MAP2: variants seen among roughly 807,000 people sequenced by gnomAD.
The protein encoded by MAP2 is microtubule associated protein 2.
Under a neutral mutation model 137.6 loss-of-function variants are expected in MAP2, and 14 were observed. The observed-to-expected ratio is 0.10, with a 90% CI of 0.07 to 0.16. The LOEUF (loss-of-function observed/expected upper bound fraction) is 0.16, where lower values mean the gene tolerates loss of function less well. MAP2 is among the 10% of genes least tolerant of loss of function. MAP2 has a pLI of 1.00. For missense variants in MAP2, 2,088 were observed against 2,191.5 expected (o/e 0.95, Z 0.94); for synonymous variants, 786 against 782.3 (o/e 1.00, Z -0.08).
At chr2:209,434,814 C>CT in intron 1 of MAP2, among the ~76,000 whole-genome samples, 1 of 103,288 alleles carries the variant, frequency 9.7e-6, no homozygotes, top group Non-Finnish European at 1.8e-5. Context: ...AGAGCCAGAT[C>CT]CTCTCTCTCT....
At position 209,628,156 on chromosome 2, in the gene MAP2, G is replaced by A. The variant is rs1976583; in HGVS notation, c.-30+3027G>A. 8.3e-3 allele frequency among the ~76,000 whole-genome samples: 1,265 copies of A among 152,144 alleles called. 16 individuals carry two copies. The highest frequency in any genetic ancestry group is 0.028 in the African/African-American group (1,182 of 41,504). Reference sequence around the variant, plus strand: ...CCGAGGCAGACAGATCACAAGGTCAGGAGTTTGAGACCAGCCTGACCAACA... The same window carrying A: ...CCGAGGCAGACAGATCACAAGGTCAAGAGTTTGAGACCAGCCTGACCAACA... On this transcript the variant is annotated intron_variant, in intron 4 of 15. Coordinates refer to ENST00000682079, the MANE Select transcript of MAP2 (RefSeq NM_001375505.1).
chr2:209,491,131 G>A (rs1444363105), intron 1 of MAP2, among the ~76,000 whole-genome samples: 29 of 152,130 alleles, frequency 1.9e-4, no homozygotes, highest in South Asian at 4.1e-4. Flanking sequence ...TAGAACTCAG[G>A]ATTAAGAAAC....
chr2:209,542,976 T>G (rs1295905090), intron 2 of MAP2, among the ~76,000 whole-genome samples: 2 of 152,230 alleles, frequency 1.3e-5, no homozygotes, highest in Non-Finnish European at 2.9e-5. Flanking sequence ...GTTCACAATT[T>G]GGCTGCTTGG....
chr2:209,696,632 A>G lies in MAP2; in HGVS notation c.4271A>G (p.Lys1424Arg). ...EKEARRSSLE[K>R]HRKEKPFKTG... is the part of the protein sequence containing the mutation. ...GAAGCTCGGAGATCATCTCTTGAGA[A>G]ACATAGAAAAGAAAAGCCTTTTAAA... is the stretch of plus-strand genomic sequence containing the variant. The change falls in exon 9 of 16, where the codon AAA becomes AGA. Residue 1424 changes from lysine to arginine, a missense_variant. Around this residue, in one of 6 missense-constraint regions of MAP2, gnomAD observed 591 missense variants for 642.6 expected, o/e 0.92. Transcript: ENST00000682079. The G allele has an allele frequency of 6.2e-7, 1 of 1,613,916 alleles. No individual in the cohort carries two copies. Among genetic ancestry groups the G allele is most frequent in the Non-Finnish European group, 8.5e-7 (1 of 1,179,904 alleles).
chr2:209,544,205 C>G (rs1448169998), intron 2 of MAP2, among the ~76,000 whole-genome samples: 1 of 151,826 alleles, frequency 6.6e-6, no homozygotes, highest in Admixed American at 6.6e-5. Flanking sequence ...TGCACTCCAG[C>G]CTGGGTGACA....
At chr2:209,480,354 G>A (rs921305470) in intron 1 of MAP2, among the ~76,000 whole-genome samples, 12 of 152,148 alleles carry the variant, frequency 7.9e-5, no homozygotes, top group Non-Finnish European at 1.6e-4. Context: ...GTTTACACAA[G>A]GAACAATAAG....
intron 3 of MAP2, among the ~76,000 whole-genome samples, chr2:209,594,576 T>G (rs1031836528): frequency 6.6e-6 from 1 of 152,188 alleles, no homozygotes; most frequent in African/African-American, 2.4e-5. Context: ...TCTTCAAAAT[T>G]TCTCCTAGGG....
Position 209,705,719 on chromosome 2 carries a change from G to A in MAP2, c.4724G>A (p.Arg1575Gln), listed in dbSNP as rs780652765. Residue 1575 changes from arginine to glutamine, a missense_variant, in exon 12 of 16, where the codon CGG becomes CAG. Around this residue, in one of 6 missense-constraint regions of MAP2, gnomAD observed 591 missense variants for 642.6 expected, o/e 0.92. Transcript: ENST00000682079. Reference sequence around the variant, plus strand: ...AGTTCTATCTCTTCTTCAGCACGGCGGACCACCAGTAGGTTTATTTTGATT... The same window carrying A: ...AGTTCTATCTCTTCTTCAGCACGGCAGACCACCAGTAGGTTTATTTTGATT... ...LNSSISSSAR[R>Q]TTRSEPIRRA... is the part of the protein sequence containing the mutation. The A allele has an allele frequency of 3.2e-5, 51 of 1,611,526 alleles. No homozygotes were observed. Among genetic ancestry groups the A allele is most frequent in the African/African-American group, 4.0e-5 (3 of 74,714 alleles).
chr2:209,448,596 G>A (rs2149459841), intron 1 of MAP2, among the ~76,000 whole-genome samples: 1 of 152,226 alleles, frequency 6.6e-6, no homozygotes, highest in Admixed American at 6.5e-5. Flanking sequence ...CCCTATAGAG[G>A]TTCCAGGGAA....
Position 209,694,047 on chromosome 2 carries a change from C to G in MAP2, c.1877C>G (p.Ser626Cys). ...AAGGAGTTTCAAACAGGAAAAGAAT[C>G]CCAGCCCAGTCCTCCAGCACAAGAA... ...GDKEFQTGKE[S>C]QPSPPAQEAG... The change falls in exon 8 of 16, where the codon TCC becomes TGC. Residue 626 changes from serine to cysteine, a missense_variant. Ser to Cys is a moderately radical substitution (Grantham distance 112, BLOSUM62 -1). Around this residue, in one of 6 missense-constraint regions of MAP2, gnomAD observed 859 missense variants for 794.5 expected, o/e 1.08. Transcript: ENST00000682079. The G allele has an allele frequency of 6.2e-7, 1 of 1,613,448 alleles. No individual in the cohort carries two copies. The highest frequency in any genetic ancestry group is 1.1e-5 in the South Asian group (1 of 90,952).
rs116538983 is a variant in MAP2 at position 209,539,430 on chromosome 2, G to A, written c.-172+31789G>A. Reference sequence around the variant, plus strand: ...AGAACAGCTGAAGTAGTCATTTAACGCAACTAGTATTTTCTGAAGAAAACA... The same window carrying A: ...AGAACAGCTGAAGTAGTCATTTAACACAACTAGTATTTTCTGAAGAAAACA... On this transcript the variant is annotated intron_variant, in intron 2 of 15. Coordinates refer to ENST00000682079, the MANE Select transcript of MAP2 (RefSeq NM_001375505.1). 9.0e-3 allele frequency among the ~76,000 whole-genome samples: 1,363 copies of A among 152,238 alleles called. 7 individuals are homozygous for A. Among genetic ancestry groups the A allele is most frequent in the Non-Finnish European group, 0.014 (930 of 68,012 alleles).
intron 3 of MAP2, among the ~76,000 whole-genome samples, chr2:209,606,045 G>GT (rs921833548): frequency 2.0e-5 from 3 of 151,896 alleles, no homozygotes; most frequent in Admixed American, 6.6e-5. Context: ...TAAATGATCA[G>GT]TTTTTTTAGT....
At chr2:209,686,864 T>G (rs373552052) in intron 7 of MAP2, among the ~76,000 whole-genome samples, 12 of 152,280 alleles carry the variant, frequency 7.9e-5, no homozygotes, top group African/African-American at 2.9e-4. Context: ...AATAAAGTCT[T>G]GATGAATCTG....
chr2:209,680,686 T>G (rs2054188893), intron 6 of MAP2, 64 bp from the exon 7 acceptor site: 1 of 1,379,000 alleles, frequency 7.3e-7, no homozygotes, highest in East Asian at 2.3e-5. Flanking sequence ...CAGAACTTCC[T>G]ACACATCTAC....
chr2:209,600,083 C>T (rs1289643757), intron 3 of MAP2, among the ~76,000 whole-genome samples: 1 of 152,070 alleles, frequency 6.6e-6, no homozygotes, highest in Non-Finnish European at 1.5e-5. Context: ...TAAACAAAAG[C>T]TAAGACCTAT....
chr2:209,553,255 C>T (rs1415166600), intron 2 of MAP2, among the ~76,000 whole-genome samples: 1 of 152,120 alleles, frequency 6.6e-6, no homozygotes, highest in Non-Finnish European at 1.5e-5. Context: ...TCGTGGTCCA[C>T]CAGCCTCGGC....
At chr2:209,635,492 C>T (rs1336822940) in intron 4 of MAP2, among the ~76,000 whole-genome samples, 1 of 151,972 alleles carries the variant, frequency 6.6e-6, no homozygotes. Context: ...TACAAATAAC[C>T]GTATATAGTC....
chr2:209,705,691 A>G lies in MAP2; in HGVS notation c.4696A>G (p.Asn1566Asp). The G allele has an allele frequency of 6.2e-7, 1 of 1,613,086 alleles. No homozygotes were observed. Among genetic ancestry groups the G allele is most frequent in the Non-Finnish European group, 8.5e-7 (1 of 1,179,274 alleles). Residue 1566 changes from asparagine to aspartate, a missense_variant, in exon 12 of 16, where the codon AAC (asparagine) becomes GAC (aspartate). Physicochemically the swap from Asn to Asp is conservative, Grantham distance 23. This residue lies in a region of MAP2 where 591 missense variants were observed against 642.6 expected (regional missense o/e 0.92). Transcript: ENST00000682079. ...CAGAGATGAGAATTCCTTCTCTCTC[A>G]ACAGTTCTATCTCTTCTTCAGCACG... is the stretch of plus-strand genomic sequence containing the variant. ...GDRDENSFSL[N>D]SSISSSARRT...
intron 7 of MAP2, among the ~76,000 whole-genome samples, chr2:209,686,306 T>C (rs1270475398): frequency 6.6e-6 from 1 of 152,240 alleles, no homozygotes; most frequent in Non-Finnish European, 1.5e-5. Context: ...AATAATGTGC[T>C]TGAAAGATTA....
Sources: gnomAD v4.1 joint callset for allele counts (sites outside exome capture counted in the v4.1 genomes callset) on GRCh38, gnomAD v4.1.1 for gene constraint, gnomAD v4.1.1 regional missense constraint, MANE v1.5 for transcripts, NCBI Gene and HGNC (gene_info 2026-07-23, HGNC 2026-07-21) for gene names.